AKR1C8: variants seen among roughly 807,000 people sequenced by gnomAD.
The protein encoded by AKR1C8 is aldo-keto reductase family 1 member C8.
the AKR1C8 span, among the ~76,000 whole-genome samples, chr10:5,145,876 C>T: frequency 1.3e-5 from 2 of 152,096 alleles, no homozygotes; most frequent in South Asian, 2.1e-4. Context: ...ATAAATCATG[C>T]TGCTATAAAG....
chr10:5,168,663 C>T, the AKR1C8 span, among the ~76,000 whole-genome samples: 2 of 152,052 alleles, frequency 1.3e-5, no homozygotes, highest in African/African-American at 2.4e-5. Context: ...GAGAGCTCTG[C>T]AGACAACAAA....
chr10:5,117,367 G>A, the AKR1C8 span, among the ~76,000 whole-genome samples: 2 of 152,084 alleles, frequency 1.3e-5, no homozygotes, highest in Admixed American at 1.3e-4. Flanking sequence ...GGTTCATGGA[G>A]ATATGGGAAG....
chr10:5,121,075 C>T, the AKR1C8 span, among the ~76,000 whole-genome samples: 59,559 of 150,124 alleles, frequency 0.4, 12,476 homozygotes, highest in Non-Finnish European at 0.44. Context: ...GACATAGAGG[C>T]TTTTCTTTTT....
At chr10:5,128,028 A>AG in the AKR1C8 span, among the ~76,000 whole-genome samples, 1 of 152,166 alleles carries the variant, frequency 6.6e-6, no homozygotes, top group African/African-American at 2.4e-5. Context: ...AAGAGAGGTG[A>AG]GAAAAAAGCA....
At chr10:5,136,986 C>T in the AKR1C8 span, among the ~76,000 whole-genome samples, 1 of 152,092 alleles carries the variant, frequency 6.6e-6, no homozygotes, top group Non-Finnish European at 1.5e-5. Context: ...AAATGAATCA[C>T]ATAAATTTTT....
chr10:5,171,978 C>A, the AKR1C8 span, among the ~76,000 whole-genome samples: 109 of 152,228 alleles, frequency 7.2e-4, 1 homozygote, highest in Non-Finnish European at 1.3e-3. Context: ...ACAGTGTTAA[C>A]TTTCAGCAAC....
chr10:5,178,671 G>GGATGCATATATA, the AKR1C8 span, among the ~76,000 whole-genome samples: 14 of 152,220 alleles, frequency 9.2e-5, no homozygotes, highest in African/African-American at 3.4e-4. Flanking sequence ...CTCCTGTATT[G>GGATGCATATATA]GATGCATATA....
the AKR1C8 span, chr10:5,158,560 G>A: frequency 2.4e-6 from 1 of 424,242 alleles, no homozygotes; most frequent in Non-Finnish European, 4.9e-6. Flanking sequence ...AGCATCAGCA[G>A]AATTCCCGCC....
At chr10:5,175,618 C>A in the AKR1C8 span, among the ~76,000 whole-genome samples, 10 of 152,298 alleles carry the variant, frequency 6.6e-5, no homozygotes, top group African/African-American at 2.4e-4. Flanking sequence ...ACTATTTCTC[C>A]ACATCCTCTC....
the AKR1C8 span, among the ~76,000 whole-genome samples, chr10:5,179,929 G>A: frequency 3.3e-5 from 5 of 152,068 alleles, no homozygotes; most frequent in Non-Finnish European, 7.4e-5. Context: ...ATTTCCTCCT[G>A]TAGCTCAGAG....
the AKR1C8 span, among the ~76,000 whole-genome samples, chr10:5,174,462 C>T: frequency 6.6e-6 from 1 of 151,938 alleles, no homozygotes; most frequent in South Asian, 2.1e-4. Flanking sequence ...ATGTGTTATA[C>T]AAGTCATATA....
chr10:5,147,522 A>G, the AKR1C8 span, among the ~76,000 whole-genome samples: 3 of 151,538 alleles, frequency 2.0e-5, no homozygotes, highest in African/African-American at 7.3e-5. Context: ...CTTTTCCAGA[A>G]GGTAAAAAAT....
At chr10:5,156,161 C>T in the AKR1C8 span, among the ~76,000 whole-genome samples, 16 of 152,148 alleles carry the variant, frequency 1.1e-4, no homozygotes, top group Non-Finnish European at 1.5e-5. Context: ...CTGATCCAGC[C>T]TTGGAATGAC....
chr10:5,143,418 T>C, the AKR1C8 span, among the ~76,000 whole-genome samples: 2 of 152,156 alleles, frequency 1.3e-5, no homozygotes, highest in African/African-American at 4.8e-5. Context: ...TCTCAGGCTT[T>C]CAGCCTTAGA....
chr10:5,120,042 C>G, the AKR1C8 span, among the ~76,000 whole-genome samples: 1 of 152,160 alleles, frequency 6.6e-6, no homozygotes, highest in Non-Finnish European at 1.5e-5. Flanking sequence ...GACACCCACA[C>G]TGAAGGTTGT....
At chr10:5,121,759 T>C in the AKR1C8 span, among the ~76,000 whole-genome samples, 84 of 152,286 alleles carry the variant, frequency 5.5e-4, 1 homozygote, top group Non-Finnish European at 1.1e-3. Flanking sequence ...AATTTTTCTT[T>C]TTTTAGCATA....
At chr10:5,149,784 T>C in the AKR1C8 span, among the ~76,000 whole-genome samples, 1 of 152,288 alleles carries the variant, frequency 6.6e-6, no homozygotes, top group South Asian at 2.1e-4. Context: ...CACATTCTTA[T>C]TAAACTTATG....
At chr10:5,160,718 A>T in the AKR1C8 span, 1 of 422,024 alleles carries the variant, frequency 2.4e-6, no homozygotes, top group Non-Finnish European at 4.8e-6. Context: ...GAGGTCAGAC[A>T]ACTGCTGGAG....
chr10:5,125,011 A>T, the AKR1C8 span, among the ~76,000 whole-genome samples: 6 of 151,610 alleles, frequency 4.0e-5, no homozygotes, highest in African/African-American at 1.5e-4. Context: ...AAGTTAACTT[A>T]TCAAAATACA....
Sources: gnomAD v4.1 joint callset for allele counts (sites outside exome capture counted in the v4.1 genomes callset) on GRCh38, gnomAD v4.1.1 for gene constraint, MANE v1.5 for transcripts, NCBI Gene and HGNC (gene_info 2026-07-23, HGNC 2026-07-21) for gene names.